Variants in KCNH1 observed in about 807,000 individuals in gnomAD.
The protein encoded by KCNH1 is voltage-gated delayed rectifier potassium channel KCNH1.
In KCNH1, 27 loss-of-function variants were observed where a neutral mutation model predicts 69.2. The ratio of observed to expected loss-of-function variants is 0.39; its 90% confidence interval spans 0.29 to 0.54. The LOEUF is 0.54. Ranked by LOEUF, KCNH1 falls within the 20% of genes least tolerant of loss-of-function variation. The pLI is 0.68. For synonymous variants in KCNH1, 456 were observed against 487.7 expected (o/e 0.93, Z 0.86); for missense variants, 798 against 1,261.6 (o/e 0.63, Z 5.57).
chr1:210,706,690 G>A (rs768848332), intron 10 of KCNH1, among the ~76,000 whole-genome samples: 1 of 152,248 alleles, frequency 6.6e-6, no homozygotes, highest in Non-Finnish European at 1.5e-5. Context: ...CTGAGTCTCA[G>A]ACCATGCATT....
chr1:210,695,519 G>A (rs1681619509), intron 10 of KCNH1, among the ~76,000 whole-genome samples: 1 of 152,080 alleles, frequency 6.6e-6, no homozygotes, highest in South Asian at 2.1e-4. Flanking sequence ...ATCTTTTTAT[G>A]TGTTTGAATT....
At chr1:210,737,876 G>A (rs1199581571) in intron 10 of KCNH1, among the ~76,000 whole-genome samples, 1 of 152,150 alleles carries the variant, frequency 6.6e-6, no homozygotes, top group Non-Finnish European at 1.5e-5. Context: ...TCATCTCCCT[G>A]TTTCTACCCT....
At chr1:210,939,356 A>T (rs1263216150) in intron 6 of KCNH1, among the ~76,000 whole-genome samples, 4 of 152,158 alleles carry the variant, frequency 2.6e-5, no homozygotes, top group African/African-American at 9.7e-5. Context: ...AAGAGGGATG[A>T]TGGTCATTGT....
chr1:211,053,762 C>T (rs1690250827), intron 5 of KCNH1, among the ~76,000 whole-genome samples: 1 of 152,080 alleles, frequency 6.6e-6, no homozygotes. Context: ...TCAGATGCCT[C>T]ATCAACTGGG....
At chr1:210,954,834 T>C (rs1442419520) in intron 6 of KCNH1, among the ~76,000 whole-genome samples, 2 of 152,230 alleles carry the variant, frequency 1.3e-5, no homozygotes, top group African/African-American at 4.8e-5. Context: ...GCAAAAATTT[T>C]CTCCCATTCT....
intron 10 of KCNH1, among the ~76,000 whole-genome samples, chr1:210,714,699 C>G (rs1682177559): frequency 6.6e-6 from 1 of 152,182 alleles, no homozygotes; most frequent in Admixed American, 6.5e-5. Context: ...GATCATGATA[C>G]CATCCCTGCC....
At chr1:210,819,729 T>C (rs1418971) in intron 7 of KCNH1, among the ~76,000 whole-genome samples, 128,963 of 152,262 alleles carry the variant, frequency 0.85, 54,790 homozygotes, top group African/African-American at 0.87. Context: ...AATAGTGTTG[T>C]TGTTGATGAA....
intron 10 of KCNH1, among the ~76,000 whole-genome samples, chr1:210,743,726 A>G (rs113000004): frequency 0.021 from 3,142 of 152,300 alleles, 107 homozygotes; most frequent in African/African-American, 0.072. Flanking sequence ...TAAACTGTGA[A>G]GCAGAATCAG....
At chr1:210,906,894 A>AG (rs1344130336) in intron 7 of KCNH1, among the ~76,000 whole-genome samples, 1 of 152,224 alleles carries the variant, frequency 6.6e-6, no homozygotes, top group Non-Finnish European at 1.5e-5. Flanking sequence ...GCTGGAGGCT[A>AG]GGGAGGTAAT....
Position 210,716,431 on chromosome 1 carries a change from C to CAAAAAAAAA in KCNH1, c.2113-32302_2113-32294dup, listed in dbSNP as rs58725705. On this transcript the variant is annotated intron_variant, in intron 10 of 10. Coordinates refer to ENST00000271751, the MANE Select transcript of KCNH1 (RefSeq NM_172362.3). Reference sequence around the variant, plus strand: ...TGGGCGACAGAGCAAGACTCCGTCTCAAAAAAAAAAAAAAAAAGCATGTTA... The same window carrying CAAAAAAAAA: ...TGGGCGACAGAGCAAGACTCCGTCTCAAAAAAAAAAAAAAAAAAAAAAAAAAGCATGTTA... Among the ~76,000 whole-genome samples the CAAAAAAAAA allele has an allele frequency of 5.0e-3, 455 of 91,914 alleles. 25 individuals are homozygous for CAAAAAAAAA. The highest frequency in any genetic ancestry group is 0.015 in the African/African-American group (319 of 20,910). 60.3% of individuals were successfully genotyped at this position (91,914 alleles called of 152,430 possible).
chr1:210,719,990 T>C (rs916341520), intron 10 of KCNH1, among the ~76,000 whole-genome samples: 2 of 152,182 alleles, frequency 1.3e-5, no homozygotes, highest in African/African-American at 4.8e-5. Flanking sequence ...GTCTTTCCTA[T>C]ATTCCTCTTA....
At chr1:210,755,526 T>C (rs900527771) in intron 10 of KCNH1, among the ~76,000 whole-genome samples, 6 of 152,232 alleles carry the variant, frequency 3.9e-5, no homozygotes, top group African/African-American at 1.4e-4. Flanking sequence ...GCAGAAGGAC[T>C]GGGAAAACTG....
chr1:210,698,326 GCTTACCCCGTGGGAAAT>G (rs1358862175), intron 10 of KCNH1, among the ~76,000 whole-genome samples: 1 of 152,076 alleles, frequency 6.6e-6, no homozygotes, highest in Admixed American at 6.5e-5. Context: ...ACCTCCCACA[GCTTACCCCGTGGGAAAT>G]CCCCAAGAGC....
At chr1:210,954,876 C>A (rs1379345122) in intron 6 of KCNH1, among the ~76,000 whole-genome samples, 9 of 152,192 alleles carry the variant, frequency 5.9e-5, no homozygotes, top group Non-Finnish European at 8.8e-5. Context: ...ATGGTAGTTT[C>A]TTTTGCTGTG....
chr1:211,055,487 C>T (rs928322611), intron 5 of KCNH1, among the ~76,000 whole-genome samples: 10 of 152,176 alleles, frequency 6.6e-5, no homozygotes, highest in Admixed American at 6.5e-4. Context: ...CAGTCTAGAC[C>T]ACAAGGACTA....
intron 3 of KCNH1, among the ~76,000 whole-genome samples, chr1:211,092,285 T>C (rs1463419594): frequency 6.6e-6 from 1 of 152,146 alleles, no homozygotes. Flanking sequence ...GACAGACAAC[T>C]CTGATTAACA....
chr1:211,107,374 G>C lies in KCNH1; in HGVS notation c.83C>G (p.Thr28Ser). The change falls in exon 2 of 11, where the codon ACT (threonine) becomes AGT (serine). Residue 28 changes from threonine (T) to serine (S), a missense_variant. Thr to Ser is a moderately conservative substitution (Grantham distance 58). Transcript: ENST00000271751. ...CTGAGCATTCCCCAACACAAAATTA[G>C]TATCTGTTAAAAAAAAAAAAAAGGG... Reference protein sequence around the residue: ...LENIVRRSNDTNFVLGNAQIV... With the variant: ...LENIVRRSNDSNFVLGNAQIV... 1 of 1,538,646 alleles carries C rather than the reference G, an allele frequency of 6.5e-7. No individual in the cohort carries two copies. Among genetic ancestry groups the C allele is most frequent in the South Asian group, 1.2e-5 (1 of 84,216 alleles).
chr1:210,695,388 A>G (rs1419753172), intron 10 of KCNH1, among the ~76,000 whole-genome samples: 1 of 152,218 alleles, frequency 6.6e-6, no homozygotes, highest in African/African-American at 2.4e-5. Flanking sequence ...TTCTTGGTAT[A>G]TAGTGCTGAC....
In KCNH1 at chr1:211,090,272, T is replaced by C. The variant is rs3828159; in HGVS notation, c.439+290A>G. Among the ~76,000 whole-genome samples the C allele has an allele frequency of 0.073, 11,082 of 152,310 alleles. 496 individuals carry two copies. Among genetic ancestry groups the C allele is most frequent in the Middle Eastern group, 0.12 (36 of 294 alleles). On this transcript the variant is annotated intron_variant, in intron 4 of 10. Coordinates refer to ENST00000271751, the MANE Select transcript of KCNH1 (RefSeq NM_172362.3). ...GTTATGTGAAAACTTGAAAAGATTC[T>C]GATGATACTAGTTGCCAAACTGTCT...
Sources: allele counts gnomAD v4.1 joint callset (sites outside exome capture counted in the v4.1 genomes callset), GRCh38; gene constraint gnomAD v4.1.1; transcripts MANE v1.5; gene names NCBI Gene and HGNC (gene_info 2026-07-23, HGNC 2026-07-21).